The following SHROOM4 variants were observed in gnomAD, a reference collection of about 807,000 sequenced individuals.
The protein encoded by SHROOM4 is shroom family member 4, also known as protein Shroom4.
Under a neutral mutation model 80.3 loss-of-function variants are expected in SHROOM4, and 17 were observed. The observed-to-expected ratio is 0.21, with a 90% CI of 0.14 to 0.32. SHROOM4 has a LOEUF of 0.32. Among genes scored for constraint, SHROOM4 ranks in the 10% least tolerant of loss-of-function variants. SHROOM4 has a pLI of 1.00. For missense variants in SHROOM4, 993 were observed against 1,140.3 expected (o/e 0.87, Z 1.86); for synonymous variants, 400 against 437.5 (o/e 0.91, Z 1.07).
At chrX:50,813,053 A>G (rs1936373305) in intron 1 of SHROOM4, among the ~76,000 whole-genome samples, 1 of 110,642 alleles carries the variant, frequency 9.0e-6, no homozygotes, top group South Asian at 3.9e-4. Flanking sequence ...GGGGTTCTGG[A>G]GCACTCAGGA....
chrX:50,620,974 T>G (rs1557251867), intron 5 of SHROOM4, among the ~76,000 whole-genome samples: 1 of 111,680 alleles, frequency 9.0e-6, no homozygotes, highest in Non-Finnish European at 1.9e-5. Flanking sequence ...TATTACATTT[T>G]GTTGTACAAA....
At chrX:50,772,895 T>C (rs1935427543) in intron 1 of SHROOM4, among the ~76,000 whole-genome samples, 1 of 112,094 alleles carries the variant, frequency 8.9e-6, no homozygotes, top group Non-Finnish European at 1.9e-5. Flanking sequence ...CCTTAGTGCA[T>C]CACAGGCCCA....
chrX:50,703,376 GTTTC>G (rs201931145), intron 1 of SHROOM4, among the ~76,000 whole-genome samples: 4,717 of 111,291 alleles, frequency 0.042, 270 homozygotes, highest in African/African-American at 0.15. Flanking sequence ...TCTCAGATAT[GTTTC>G]TTTCTTACGG....
chrX:50,793,138 C>A (rs1408978113), intron 1 of SHROOM4, among the ~76,000 whole-genome samples: 4 of 109,716 alleles, frequency 3.6e-5, no homozygotes, highest in African/African-American at 1.3e-4. Context: ...TATGCAACAA[C>A]ATAGATAAGT....
chrX:50,672,067 T>C (rs184920739), intron 2 of SHROOM4, among the ~76,000 whole-genome samples: 1 of 112,106 alleles, frequency 8.9e-6, no homozygotes, highest in Admixed American at 9.5e-5. Flanking sequence ...GGCCTGTCGG[T>C]ACACACGACA....
intron 2 of SHROOM4, among the ~76,000 whole-genome samples, chrX:50,680,369 A>G (rs1932914466): frequency 8.9e-6 from 1 of 112,088 alleles, no homozygotes; most frequent in Non-Finnish European, 1.9e-5. Flanking sequence ...AGGCTTAAAA[A>G]TATTTTTTAC....
At position 50,589,515 on chromosome X, in the gene SHROOM4, A is replaced by G. The variant is rs782083625; in HGVS notation, c.*7180T>C. On this transcript the variant is annotated 3_prime_UTR_variant, in exon 9 of 9. Transcript: ENST00000376020. ...GATTTGCCTGTTTGGGACATTTCAT[A>G]TAAATTAAATCATACAATATGTGGT... 5.5e-4 allele frequency among the ~76,000 whole-genome samples: 62 copies of G among 111,832 alleles called. No homozygotes were observed. The highest frequency in any genetic ancestry group is 1.1e-3 in the Non-Finnish European group (56 of 53,186).
At chrX:50,580,382 C>G in the SHROOM4 span, among the ~76,000 whole-genome samples, 66 of 112,200 alleles carry the variant, frequency 5.9e-4, no homozygotes, top group African/African-American at 2.1e-3. Context: ...CTTTGAGAAC[C>G]ACTGCTTTAG....
intron 1 of SHROOM4, among the ~76,000 whole-genome samples, chrX:50,743,459 T>C (rs908807920): frequency 9.0e-6 from 1 of 110,799 alleles, no homozygotes; most frequent in Non-Finnish European, 1.9e-5. Flanking sequence ...TTTCTTTTTA[T>C]TTATTTATGT....
chrX:50,615,098 TTGTGTGTGTGTGTGTGTGTG>T (rs58621277), intron 5 of SHROOM4, among the ~76,000 whole-genome samples: 7 of 98,495 alleles, frequency 7.1e-5, no homozygotes, highest in African/African-American at 2.5e-4. Flanking sequence ...GATTCTCTTA[TTGTGTGTGTGTGTGTGTGTG>T]TGTGTGTGTG....
At chrX:50,582,130 G>A (rs1403576802), downstream of SHROOM4, among the ~76,000 whole-genome samples, 1 of 111,788 alleles carries the variant, frequency 8.9e-6, no homozygotes, top group Non-Finnish European at 1.9e-5. Flanking sequence ...CATCTTGCTA[G>A]CTGATTTTAG....
In SHROOM4 at chrX:50,653,353, T is replaced by C. The variant is rs782253811; in HGVS notation, c.270-15045A>G. Among the ~76,000 whole-genome samples, 5 of 111,659 alleles carry C rather than the reference T, an allele frequency of 4.5e-5. No homozygotes were observed. The South Asian group carries it at 1.1e-3, about 25-fold the overall frequency. ...TTGTGAATGGGAGTTCACTCATGAT[T>C]TGGCTCTCTGTTTGTCTATTATTGG... is the stretch of plus-strand genomic sequence containing the variant. On this transcript the variant is annotated intron_variant, in intron 2 of 8. Transcript: ENST00000376020.
intron 2 of SHROOM4, among the ~76,000 whole-genome samples, chrX:50,671,363 C>T (rs1932796168): frequency 8.9e-6 from 1 of 111,975 alleles, no homozygotes; most frequent in East Asian, 2.8e-4. Flanking sequence ...ACTGAATTCT[C>T]GTTTTTAGCT....
In SHROOM4 at chrX:50,591,182, G is replaced by A. The variant is rs1446614149; in HGVS notation, c.*5513C>T. 2.7e-5 allele frequency among the ~76,000 whole-genome samples: 3 copies of A among 111,484 alleles called. No individual in the cohort carries two copies. Among genetic ancestry groups the A allele is most frequent in the Non-Finnish European group, 5.7e-5 (3 of 53,073 alleles). On this transcript the variant is annotated 3_prime_UTR_variant, in exon 9 of 9. Transcript: ENST00000376020. ...ACTATTCTCTCCTCAATTTCTCTTG[G>A]GACCCTTGTTGAAATTAACTAACCA... is the stretch of plus-strand genomic sequence containing the variant.
At chrX:50,725,016 C>T (rs187330300) in intron 1 of SHROOM4, among the ~76,000 whole-genome samples, 2 of 111,843 alleles carry the variant, frequency 1.8e-5, no homozygotes, top group Non-Finnish European at 3.8e-5. Flanking sequence ...TTCAAGTAAA[C>T]TTAGTGAATT....
At chrX:50,673,515 G>C (rs1277634591) in intron 2 of SHROOM4, among the ~76,000 whole-genome samples, 1 of 109,319 alleles carries the variant, frequency 9.1e-6, no homozygotes, top group Non-Finnish European at 1.9e-5. Flanking sequence ...AGAGAACAAA[G>C]AGAAAACAAA....
intron 1 of SHROOM4, among the ~76,000 whole-genome samples, chrX:50,787,977 T>C (rs1475291216): frequency 9.0e-6 from 1 of 111,344 alleles, no homozygotes; most frequent in African/African-American, 3.3e-5. Context: ...AAAATAATAA[T>C]ACAAAAAATA....
chrX:50,617,743 G>A (rs1930311242), intron 5 of SHROOM4, among the ~76,000 whole-genome samples: 1 of 108,310 alleles, frequency 9.2e-6, no homozygotes, highest in Non-Finnish European at 1.9e-5. Context: ...GAGGTACTGG[G>A]CACAAGGCAA....
At chrX:50,694,671 A>G (rs1933323299) in intron 2 of SHROOM4, among the ~76,000 whole-genome samples, 1 of 105,559 alleles carries the variant, frequency 9.5e-6, no homozygotes, top group Non-Finnish European at 1.9e-5. Flanking sequence ...TATGATGAAT[A>G]TGAAAAATAA....
Sources: allele counts gnomAD v4.1 joint callset (sites outside exome capture counted in the v4.1 genomes callset), GRCh38; gene constraint gnomAD v4.1.1; transcripts MANE v1.5; gene names NCBI Gene and HGNC (gene_info 2026-07-23, HGNC 2026-07-21).